Variants in ACTR3C observed in about 807,000 individuals in gnomAD.
ACTR3C encodes actin related protein 3C, also known as actin-related protein 3C.
In ACTR3C, 18 loss-of-function variants were observed where a neutral mutation model predicts 26.3. The ratio of observed to expected loss-of-function variants is 0.68; its 90% CI spans 0.47 to 1.01. The LOEUF (loss-of-function observed/expected upper bound fraction) is 1.01. Among genes scored for constraint, ACTR3C ranks in the 50% least tolerant of loss-of-function variants. The probability of loss-of-function intolerance (pLI) is 0.00; values close to 1 mark genes in which losing one functional copy is unlikely to be tolerated. For missense variants in ACTR3C, 184 were observed against 250.7 expected (o/e 0.73, Z 1.80); for synonymous variants, 55 against 94.5 (o/e 0.58, Z 2.42).
chr7:150,216,259 G>A, the ACTR3C span, among the ~76,000 whole-genome samples: 1 of 152,200 alleles, frequency 6.6e-6, no homozygotes, highest in African/African-American at 2.4e-5. Context: ...TTGATGTGAA[G>A]CTTTGTCATG....
chr7:150,243,578 G>A (rs2533413), downstream of ACTR3C, among the ~76,000 whole-genome samples: 77 of 150,170 alleles, frequency 5.1e-4, no homozygotes, highest in African/African-American at 1.6e-3. Flanking sequence ...AATTAGTTCC[G>A]GGACCCTCCT....
At chr7:150,035,396 C>G in the ACTR3C span, among the ~76,000 whole-genome samples, 1 of 47,498 alleles carries the variant, frequency 2.1e-5, no homozygotes, top group African/African-American at 9.2e-5. Context: ...CGATGGGGGT[C>G]CTAAGATCCA....
intron 6 of ACTR3C, among the ~76,000 whole-genome samples, chr7:150,268,304 C>T (rs1834204443): frequency 6.8e-6 from 1 of 147,686 alleles, no homozygotes; most frequent in East Asian, 2.0e-4. Context: ...CAGGCCTTTC[C>T]TAAAAGCAAA....
At chr7:150,017,879 C>T in the ACTR3C span, among the ~76,000 whole-genome samples, 2 of 150,388 alleles carry the variant, frequency 1.3e-5, no homozygotes, top group African/African-American at 5.0e-5. Flanking sequence ...TTCAATAGCT[C>T]CCACCCTTCA....
chr7:150,046,100 A>C, the ACTR3C span, among the ~76,000 whole-genome samples: 3 of 152,212 alleles, frequency 2.0e-5, no homozygotes, highest in Non-Finnish European at 4.4e-5. Flanking sequence ...CTATTGAACC[A>C]GGGGAGTCTG....
the ACTR3C span, among the ~76,000 whole-genome samples, chr7:150,046,428 G>A: frequency 1.4e-5 from 2 of 145,582 alleles, no homozygotes; most frequent in African/African-American, 5.1e-5. Context: ...AGGCTGCAGA[G>A]GTAATGACCA....
At chr7:149,900,151 TTTG>T in the ACTR3C span, among the ~76,000 whole-genome samples, 1 of 150,900 alleles carries the variant, frequency 6.6e-6, no homozygotes, top group Non-Finnish European at 1.5e-5. Context: ...GTCCATTATT[TTTG>T]TTGTTGTTGT....
At chr7:150,234,230 G>A in the ACTR3C span, among the ~76,000 whole-genome samples, 1 of 152,028 alleles carries the variant, frequency 6.6e-6, no homozygotes, top group Non-Finnish European at 1.5e-5. Context: ...TCTTTTAGGG[G>A]GTCCATGTCC....
the ACTR3C span, among the ~76,000 whole-genome samples, chr7:150,026,985 A>T: frequency 6.6e-6 from 1 of 151,992 alleles, no homozygotes; most frequent in African/African-American, 2.4e-5. Context: ...AAAGGAGAAA[A>T]TCAAACCGAG....
At chr7:149,993,763 C>A in the ACTR3C span, among the ~76,000 whole-genome samples, 1 of 152,214 alleles carries the variant, frequency 6.6e-6, no homozygotes, top group Non-Finnish European at 1.5e-5. Context: ...AGAACACAGG[C>A]TCCACAAGGC....
the ACTR3C span, among the ~76,000 whole-genome samples, chr7:149,926,118 A>G: frequency 3.3e-5 from 5 of 152,066 alleles, no homozygotes; most frequent in African/African-American, 9.7e-5. Context: ...TGGGAATGAA[A>G]AAAACCTTTC....
chr7:150,192,613 C>T, the ACTR3C span, among the ~76,000 whole-genome samples: 2 of 152,160 alleles, frequency 1.3e-5, no homozygotes, highest in African/African-American at 4.8e-5. Context: ...CTATTTATTC[C>T]TTAAATACCG....
At chr7:150,284,351 G>T (rs967384230) in intron 6 of ACTR3C, among the ~76,000 whole-genome samples, 5 of 152,126 alleles carry the variant, frequency 3.3e-5, no homozygotes, top group African/African-American at 1.2e-4. Context: ...GACCAGCCTG[G>T]GCAACATGGT....
At chr7:149,925,102 A>T in the ACTR3C span, among the ~76,000 whole-genome samples, 1 of 152,152 alleles carries the variant, frequency 6.6e-6, no homozygotes, top group Non-Finnish European at 1.5e-5. Flanking sequence ...GAAAAACAAG[A>T]TAAAATCGAA....
chr7:149,929,552 A>G, the ACTR3C span, among the ~76,000 whole-genome samples: 5 of 82,860 alleles, frequency 6.0e-5, no homozygotes, highest in African/African-American at 2.4e-4. Flanking sequence ...TTTTTTTTTG[A>G]GACGGAGTCT....
chr7:150,085,275 C>T, the ACTR3C span, among the ~76,000 whole-genome samples: 2 of 152,070 alleles, frequency 1.3e-5, no homozygotes, highest in Non-Finnish European at 2.9e-5. Context: ...GTATATGAGA[C>T]TAGGGCATTG....
chr7:150,038,181 C>T, the ACTR3C span, among the ~76,000 whole-genome samples: 1 of 143,368 alleles, frequency 7.0e-6, no homozygotes, highest in African/African-American at 2.6e-5. Context: ...CAGGTTTTGC[C>T]CAAGAATCAG....
At chr7:150,184,655 T>C in the ACTR3C span, among the ~76,000 whole-genome samples, 1,312 of 150,728 alleles carry the variant, frequency 8.7e-3, 15 homozygotes, top group Middle Eastern at 0.021. Flanking sequence ...CCAGCACATC[T>C]GTACTTGAAA....
the ACTR3C span, among the ~76,000 whole-genome samples, chr7:150,194,187 T>C: frequency 6.7e-6 from 1 of 149,052 alleles, no homozygotes; most frequent in Non-Finnish European, 1.5e-5. Flanking sequence ...TCCTCCTTTA[T>C]CATTATGCAA....
Sources: allele counts gnomAD v4.1 joint callset (sites outside exome capture counted in the v4.1 genomes callset), GRCh38; gene constraint gnomAD v4.1.1; transcripts MANE v1.5; gene names NCBI Gene and HGNC (gene_info 2026-07-23, HGNC 2026-07-21).